EPB41L4B: variants seen among roughly 807,000 people sequenced by gnomAD.
EPB41L4B encodes band 4.1-like protein 4B.
A neutral mutation model predicts 112.5 loss-of-function variants in EPB41L4B; 30 were observed. That is an observed-to-expected ratio of 0.27 (90% CI 0.20 to 0.36). The LOEUF is 0.36. EPB41L4B is among the 10% of genes least tolerant of loss of function. The pLI is 1.00. For missense variants in EPB41L4B, 1,024 were observed against 1,133.3 expected (o/e 0.90, Z 1.38); for synonymous variants, 408 against 439.7 (o/e 0.93, Z 0.90).
chr9:109,302,338 C>G (rs774106940), intron 1 of EPB41L4B, among the ~76,000 whole-genome samples: 10 of 152,184 alleles, frequency 6.6e-5, no homozygotes, highest in Non-Finnish European at 1.3e-4. Flanking sequence ...ACATGGTCCT[C>G]CCCCTGTACA....
At chr9:109,284,951 T>G (rs1836214198) in intron 1 of EPB41L4B, among the ~76,000 whole-genome samples, 1 of 152,246 alleles carries the variant, frequency 6.6e-6, no homozygotes, top group South Asian at 2.1e-4. Flanking sequence ...CAGCAGGATG[T>G]GGCAGAAAAA....
intron 22 of EPB41L4B, among the ~76,000 whole-genome samples, chr9:109,191,247 G>C (rs1489139945): frequency 1.3e-5 from 2 of 152,190 alleles, no homozygotes; most frequent in African/African-American, 2.4e-5. Flanking sequence ...TAGATGCCCA[G>C]GATACCTTCT....
rs376685440 is a variant in EPB41L4B at position 109,216,662 on chromosome 9, AG to A, written c.1633+259del. Among the ~76,000 whole-genome samples, 86 of 132,692 alleles carry A rather than the reference AG, an allele frequency of 6.5e-4. 1 individual carries two copies. Among genetic ancestry groups the A allele is most frequent in the African/African-American group, 1.9e-3 (67 of 34,998 alleles). The allele number at this position is 132,692 out of a possible 152,430, so 87.1% of individuals were successfully genotyped here. A position where few individuals can be genotyped will look rare whatever the true frequency, so the allele number is the denominator to read the frequency against. On this transcript the variant is annotated intron_variant, in intron 16 of 25. Coordinates refer to ENST00000374566, the MANE Select transcript of EPB41L4B (RefSeq NM_019114.5). The stretch of plus-strand genomic sequence containing the variant: ...GACTCCATCTCAAAAAAAAAAAAAA[AG>A]AAAAGAAAAAAAGAAAGGAGGTGGA...
chr9:109,231,157 CAAA>C (rs57118508), intron 15 of EPB41L4B, among the ~76,000 whole-genome samples: 3 of 82,964 alleles, frequency 3.6e-5, no homozygotes, highest in Non-Finnish European at 5.2e-5. Context: ...AACTCCATCT[CAAA>C]AAAAAAAAAA....
intron 1 of EPB41L4B, among the ~76,000 whole-genome samples, chr9:109,317,102 T>C (rs753716188): frequency 2.0e-5 from 3 of 151,592 alleles, no homozygotes; most frequent in Non-Finnish European, 4.4e-5. Context: ...AGACCCCATA[T>C]CCAAAAAACA....
Position 109,196,718 on chromosome 9 carries a change from GAAAAAAAAAAAA to G in EPB41L4B, c.2046-2333_2046-2322del, listed in dbSNP as rs34024676. Among the ~76,000 whole-genome samples the G allele has an allele frequency of 3.8e-3, 319 of 84,662 alleles. 1 individual carries two copies. Among genetic ancestry groups the G allele is most frequent in the African/African-American group, 0.012 (296 of 23,750 alleles). The allele number at this position is 84,662 out of a possible 152,430, so 55.5% of individuals were successfully genotyped here. On this transcript the variant is annotated intron_variant, in intron 20 of 25. Coordinates refer to ENST00000374566, the MANE Select transcript of EPB41L4B (RefSeq NM_019114.5). ...GGCAACAGAGTGAGGCCTTGTCTCC[GAAAAAAAAAAAA>G]AAAAAAAAGACCTTTTCGCCTGCCT...
chr9:109,276,168 C>T (rs1588199449), intron 2 of EPB41L4B, among the ~76,000 whole-genome samples: 3 of 36,166 alleles, frequency 8.3e-5, no homozygotes, highest in South Asian at 1.0e-3. Context: ...CACACACACA[C>T]ACACACACAC....
At chr9:109,283,877 A>G (rs1185938118) in intron 1 of EPB41L4B, among the ~76,000 whole-genome samples, 1 of 151,824 alleles carries the variant, frequency 6.6e-6, no homozygotes, top group Non-Finnish European at 1.5e-5. Context: ...GCTTGAGGCC[A>G]GGAGTTCGAG....
At chr9:109,180,397 G>A (rs1173410922) in intron 24 of EPB41L4B, among the ~76,000 whole-genome samples, 3 of 152,214 alleles carry the variant, frequency 2.0e-5, no homozygotes, top group South Asian at 2.1e-4. Flanking sequence ...AGGTGGAGCC[G>A]GAGCTTCCAG....
chr9:109,317,413 CA>C (rs1278160604), intron 1 of EPB41L4B, among the ~76,000 whole-genome samples: 1 of 152,166 alleles, frequency 6.6e-6, no homozygotes, highest in Non-Finnish European at 1.5e-5. Context: ...CTGCGTTTCC[CA>C]AGAGCCTCCA....
rs773659317 is a variant in EPB41L4B at position 109,213,741 on chromosome 9, C to A, written c.1711G>T (p.Ala571Ser). 1 of 1,614,134 alleles carries A rather than the reference C, an allele frequency of 6.2e-7. No homozygotes were observed. The highest frequency in any genetic ancestry group is 1.1e-5 in the South Asian group (1 of 91,080). The stretch of plus-strand genomic sequence containing the variant: ...TGCAGAGGAGGCCAGGGTCCAGCAG[C>A]CTTCACAGTTTCCAGTTCCAGCTTC... Reference protein sequence around the residue: ...LKKLELETVKAAGPWPPLHIN... With the variant: ...LKKLELETVKSAGPWPPLHIN... Residue 571 changes from alanine to serine, a missense_variant, in exon 17 of 26, where the codon GCT becomes TCT. Transcript: ENST00000374566.
chr9:109,229,963 T>C (rs946573354), intron 15 of EPB41L4B, among the ~76,000 whole-genome samples: 33 of 152,244 alleles, frequency 2.2e-4, no homozygotes, highest in Admixed American at 1.1e-3. Context: ...GGCTCTCCAA[T>C]TGGGACTCTC....
intron 1 of EPB41L4B, among the ~76,000 whole-genome samples, chr9:109,293,714 A>AC (rs1169231726): frequency 6.6e-6 from 1 of 151,692 alleles, no homozygotes; most frequent in South Asian, 2.1e-4. Context: ...AAAAAAAAAA[A>AC]AAAAAACATA....
In EPB41L4B at chr9:109,236,843, G is replaced by A. The variant is rs190356380; in HGVS notation, c.1409+6775C>T. Among the ~76,000 whole-genome samples, 355 of 152,264 alleles carry A rather than the reference G, an allele frequency of 2.3e-3. 6 individuals carry two copies. The highest frequency in any genetic ancestry group is 7.5e-3 in the South Asian group (36 of 4,826). On this transcript the variant is annotated intron_variant, in intron 15 of 25. Coordinates refer to ENST00000374566, the MANE Select transcript of EPB41L4B (RefSeq NM_019114.5). The stretch of plus-strand genomic sequence containing the variant: ...CTCCGCCCCCTTATGCTTCGCCTCT[G>A]CATCTGTCCACCGCCTCCTGTAGCA...
chr9:109,264,848 A>T, intron 5 of EPB41L4B, 132 bp downstream of exon 5: 1 of 668,326 alleles, frequency 1.5e-6, no homozygotes, highest in Non-Finnish European at 2.4e-6. Context: ...TATTAGACTC[A>T]CTTTACAATG....
chr9:109,243,210 CGCA>C (rs1834414618), intron 15 of EPB41L4B, among the ~76,000 whole-genome samples: 1 of 96,338 alleles, frequency 1.0e-5, no homozygotes, highest in African/African-American at 3.9e-5. Context: ...AGCCCACCCC[CGCA>C]AAAAAAAAAA....
chr9:109,224,179 C>T (rs1444457882), intron 15 of EPB41L4B, among the ~76,000 whole-genome samples: 1 of 152,162 alleles, frequency 6.6e-6, no homozygotes, highest in Non-Finnish European at 1.5e-5. Flanking sequence ...ACTGAGCAAG[C>T]CCACTTCTAG....
At chr9:109,232,886 A>G (rs1051513313) in intron 15 of EPB41L4B, among the ~76,000 whole-genome samples, 2 of 152,206 alleles carry the variant, frequency 1.3e-5, no homozygotes, top group African/African-American at 2.4e-5. Context: ...AGAAGCTTCT[A>G]TTATGAACAT....
chr9:109,266,555 A>G (rs1468943555), intron 4 of EPB41L4B, among the ~76,000 whole-genome samples: 1 of 152,246 alleles, frequency 6.6e-6, no homozygotes. Flanking sequence ...GGCTTTGTAG[A>G]GAATTTCACT....
Sources: gnomAD v4.1 joint callset for allele counts (sites outside exome capture counted in the v4.1 genomes callset) on GRCh38, gnomAD v4.1.1 for gene constraint, MANE v1.5 for transcripts, NCBI Gene and HGNC (gene_info 2026-07-23, HGNC 2026-07-21) for gene names.